ITIH1: variants seen among roughly 807,000 people sequenced by gnomAD.
ITIH1 encodes the protein inter-alpha-trypsin inhibitor heavy chain H1.
In ITIH1, 94 loss-of-function variants were observed where a neutral mutation model predicts 104.6. That is an observed-to-expected ratio of 0.90 (90% CI 0.76 to 1.07). The LOEUF (loss-of-function observed/expected upper bound fraction) is 1.07, where lower values mean the gene tolerates loss of function less well. Ranked by LOEUF, ITIH1 falls within the 50% of genes least tolerant of loss-of-function variation. The pLI is 0.00. For missense variants in ITIH1, 1,193 were observed against 1,181.4 expected (o/e 1.01, Z -0.14); for synonymous variants, 455 against 464.4 (o/e 0.98, Z 0.26).
intron 20 of ITIH1, 106 bp from the exon 21 acceptor site, chr3:52,791,411 A>G (rs1489841549): frequency 2.4e-6 from 2 of 820,252 alleles, no homozygotes; most frequent in Non-Finnish European, 3.9e-6. Context: ...AGCCCTGGAA[A>G]AAAAGCGGTC....
chr3:52,777,686 C>G lies in ITIH1; in HGVS notation c.71C>G (p.Ala24Gly). The G allele has an allele frequency of 6.2e-7, 1 of 1,605,044 alleles. No homozygotes were observed. The highest frequency in any genetic ancestry group is 1.1e-5 in the South Asian group (1 of 89,588). Reference sequence around the variant, plus strand: ...CTGGTATCTCTCCTCATCCTGCAGGCCATGCCTGCCCTGGGCTCGGCTACA... The same window carrying G: ...CTGGTATCTCTCCTCATCCTGCAGGGCATGCCTGCCCTGGGCTCGGCTACA... ...MYLVSLLILQ[A>G]MPALGSATGR... The change falls in exon 1 of 22, where the codon GCC becomes GGC. Residue 24 changes from alanine (A) to glycine (G), a missense_variant. Transcript: ENST00000273283.
chr3:52,784,256 G>A (rs1469809169), intron 10 of ITIH1, 40 bp from the exon 11 acceptor site: 9 of 1,578,172 alleles, frequency 5.7e-6, no homozygotes, highest in Non-Finnish European at 7.8e-6. Flanking sequence ...ACATGCCTGT[G>A]GGCCAGCATC....
At chr3:52,788,186 C>G in intron 17 of ITIH1, 46 bp from the exon 18 acceptor site, 1 of 1,532,718 alleles carries the variant, frequency 6.5e-7, no homozygotes, top group Non-Finnish European at 9.0e-7. Flanking sequence ...TGGCCAGCCC[C>G]ATCTGCCCGA....
At position 52,778,947 on chromosome 3, in the gene ITIH1, C is replaced by A; in HGVS notation, c.311C>A (p.Ala104Glu). The A allele has an allele frequency of 6.2e-7, 1 of 1,610,940 alleles. No homozygotes were observed. Among genetic ancestry groups the A allele is most frequent in the East Asian group, 2.2e-5 (1 of 44,868 alleles). ...TAFISDFAVT[A>E]DGNAFIGDIK... Reference sequence around the variant, plus strand: ...GTGTCCTTCCCTCCCTGCAGTACAGCAGATGGAAACGCATTTATCGGAGAC... The same window carrying A: ...GTGTCCTTCCCTCCCTGCAGTACAGAAGATGGAAACGCATTTATCGGAGAC... Residue 104 changes from alanine to glutamate, a missense_variant, in exon 4 of 22, where the codon GCA becomes GAA. Physicochemically the swap from Ala to Glu is moderately radical, Grantham distance 107 (BLOSUM62 -1). Transcript: ENST00000273283.
rs764945943 is a variant in ITIH1 at position 52,778,001 on chromosome 3, G to A, written c.122G>A (p.Arg41Gln). The A allele has an allele frequency of 3.7e-6, 6 of 1,614,080 alleles. No homozygotes were observed. Among genetic ancestry groups the A allele is most frequent in the African/African-American group, 2.7e-5 (2 of 74,934 alleles). ...GACCCTGATTTTGTTTTGCAGAAGC[G>A]ACAGGCTGTGGACACCGTGAGTAAG... is the stretch of plus-strand genomic sequence containing the variant. Reference protein sequence around the residue: ...ATGRSKSSEKRQAVDTAVDGV... With the variant: ...ATGRSKSSEKQQAVDTAVDGV... Residue 41 changes from arginine (R) to glutamine (Q), a missense_variant, in exon 2 of 22, where the codon CGA becomes CAA. Physicochemically the swap from Arg to Gln is conservative, Grantham distance 43. Coordinates refer to ENST00000273283, the MANE Select transcript of ITIH1 (RefSeq NM_002215.4).
intron 13 of ITIH1, among the ~76,000 whole-genome samples, chr3:52,786,663 G>A (rs1437207347): frequency 2.0e-5 from 3 of 152,222 alleles, no homozygotes; most frequent in East Asian, 1.9e-4. Flanking sequence ...GAGGCTCAGC[G>A]AGGTTAGACC....
chr3:52,790,337 T>G, intron 19 of ITIH1: 1 of 270,138 alleles, frequency 3.7e-6, no homozygotes, highest in Non-Finnish European at 7.1e-6. Context: ...AGCAGAGCTA[T>G]AGGAAGAGGT....
At position 52,789,640 on chromosome 3, in the gene ITIH1, T is replaced by C. The variant is rs1386826296; in HGVS notation, c.2120-13T>C. 4 of 1,613,580 alleles carry C rather than the reference T, an allele frequency of 2.5e-6. No homozygotes were observed. The South Asian group carries it at 4.4e-5, about 18-fold the overall frequency. ...CCCCTTCCCAACCCGGATGCCCTCT[T>C]GCTCCATTGCAGGCTTCTCAGTGAA... On this transcript the variant is annotated splice_polypyrimidine_tract_variant and intron_variant, in intron 18 of 21. Coordinates refer to ENST00000273283, the MANE Select transcript of ITIH1 (RefSeq NM_002215.4).
intron 6 of ITIH1, among the ~76,000 whole-genome samples, chr3:52,781,208 T>TTCTTCTTCTTCTTC (rs71878578): frequency 4.0e-5 from 2 of 49,996 alleles, no homozygotes; most frequent in South Asian, 7.2e-4. Flanking sequence ...TTTTTTTTTT[T>TTCTTCTTCTTCTTC]TTCTTCTTCT....
chr3:52,782,575 C>T (rs1003046843), intron 8 of ITIH1, among the ~76,000 whole-genome samples: 2 of 152,324 alleles, frequency 1.3e-5, no homozygotes, highest in East Asian at 3.9e-4. Flanking sequence ...ACTACAATTA[C>T]GGTGGTCCGT....
In ITIH1 at chr3:52,786,353, T is replaced by A. The variant is rs1482844450; in HGVS notation, c.1652T>A (p.Leu551His). Residue 551 changes from leucine to histidine, a missense_variant, in exon 13 of 22, where the codon CTC (leucine) becomes CAC (histidine). By Grantham distance (99) the Leu-to-His change is moderately conservative (BLOSUM62 -3). Transcript: ENST00000273283. ...GATGAGGAGGAGATGAAGAAACTGC[T>A]CCGAGAGCGTGGCCACATGCTGGAG... The part of the protein sequence containing the change: ...LVDEEEMKKL[L>H]RERGHMLENH... 1 of 1,576,348 alleles carries A rather than the reference T, an allele frequency of 6.3e-7. No individual in the cohort carries two copies.
At position 52,790,830 on chromosome 3, in the gene ITIH1, A is replaced by T. The variant is rs751193271; in HGVS notation, c.2403A>T (p.Arg801=). The stretch of plus-strand genomic sequence containing the variant: ...GCACCTTTGAGGTTGTTTTGCACCG[A>T]GTGTGGAAGGGGAGCTCGGTCCACC... ...DGGTFEVVLH[R]VWKGSSVHQD... Residue 801 remains arginine, a synonymous_variant, in exon 20 of 22, where the codon CGA becomes CGT. Coordinates refer to ENST00000273283, the MANE Select transcript of ITIH1 (RefSeq NM_002215.4). 4 of 1,612,862 alleles carry T rather than the reference A, an allele frequency of 2.5e-6. No individual in the cohort carries two copies. In the South Asian group the frequency reaches 4.4e-5, roughly 18 times the overall value.
intron 1 of ITIH1, 85 bp downstream of exon 1, chr3:52,777,817 G>A (rs1217062079): frequency 2.9e-6 from 4 of 1,387,996 alleles, no homozygotes; most frequent in Admixed American, 1.8e-5. Flanking sequence ...CATTCAAGGG[G>A]CCAGGGTCAC....
chr3:52,783,378 C>T lies in ITIH1; in HGVS notation c.1225+39C>T, dbSNP rs776036033. On this transcript the variant is annotated intron_variant, in intron 10 of 21. Coordinates refer to ENST00000273283, the MANE Select transcript of ITIH1 (RefSeq NM_002215.4). ...GGGCTGCCTTGGGAGGTAGTGATCT[C>T]CTTGTCACCCGAGACATGCAAGCTG... 4.3e-5 allele frequency: 69 copies of T among 1,601,004 alleles called. No homozygotes were observed. The Admixed American group carries it at 6.1e-4, about 14-fold the overall frequency.
At chr3:52,778,553 A>G in intron 3 of ITIH1, 47 bp downstream of exon 3, 1 of 1,608,580 alleles carries the variant, frequency 6.2e-7, no homozygotes, top group Non-Finnish European at 8.5e-7. Context: ...GGTGCCGCTT[A>G]CTAGTCCCAG....
chr3:52,786,923 C>G (rs1386382989), intron 13 of ITIH1, 22 bp from the exon 14 acceptor site: 4 of 1,592,014 alleles, frequency 2.5e-6, no homozygotes, highest in Non-Finnish European at 3.4e-6. Flanking sequence ...GGGCTTGGAG[C>G]CAGCCTCTGT....
At chr3:52,777,922 C>A in intron 1 of ITIH1, 75 bp from the exon 2 acceptor site, 2 of 1,576,580 alleles carry the variant, frequency 1.3e-6, no homozygotes, top group Non-Finnish European at 1.7e-6. Flanking sequence ...CTGTGTTCCA[C>A]TCCCATCCCT....
At position 52,784,343 on chromosome 3, in the gene ITIH1, C is replaced by T. The variant is rs200097012; in HGVS notation, c.1273C>T (p.Arg425Trp). 2.9e-5 allele frequency: 47 copies of T among 1,614,126 alleles called. No individual in the cohort carries two copies. Among genetic ancestry groups the T allele is most frequent in the South Asian group, 2.7e-4 (25 of 91,082 alleles). ...QILKNVRNAI[R>W]GRFPLYNLGF... is the part of the protein sequence containing the mutation. Reference sequence around the variant, plus strand: ...CCTCAAGAACGTCCGCAACGCCATCCGGGGCAGGTTCCCGCTCTACAACCT... The same window carrying T: ...CCTCAAGAACGTCCGCAACGCCATCTGGGGCAGGTTCCCGCTCTACAACCT... The change falls in exon 11 of 22, where the codon CGG (arginine) becomes TGG (tryptophan). Residue 425 changes from arginine to tryptophan, a missense_variant. Arg to Trp is a moderately radical substitution (Grantham distance 101). Coordinates refer to ENST00000273283, the MANE Select transcript of ITIH1 (RefSeq NM_002215.4).
rs758792176 is a variant in ITIH1, at chr3:52,784,461, C to A, written c.1391C>A (p.Ala464Asp). 6.2e-7 allele frequency: 1 copy of A among 1,613,884 alleles called. No homozygotes were observed. The highest frequency in any genetic ancestry group is 1.1e-5 in the South Asian group (1 of 91,054). ...RAQRIYEDHD[A>D]TQQLQGFYSQ... ...CAGAGAATCTACGAGGACCATGATG[C>A]CACCCAGCAGCTGCAGGTCTCCCCT... The change falls in exon 11 of 22, where the codon GCC becomes GAC. Residue 464 changes from alanine (A) to aspartate (D), a missense_variant. Transcript: ENST00000273283.
Sources: allele counts gnomAD v4.1 joint callset (sites outside exome capture counted in the v4.1 genomes callset), GRCh38; gene constraint gnomAD v4.1.1; transcripts MANE v1.5; gene names NCBI Gene and HGNC (gene_info 2026-07-23, HGNC 2026-07-21).